The following UROS variants were observed in gnomAD, a reference collection of about 807,000 sequenced individuals.
UROS encodes uroporphyrinogen III synthase, also known as uroporphyrinogen-III synthase.
UROS carries 18 observed loss-of-function variants against 33.0 expected under a neutral mutation model. That is an observed-to-expected ratio of 0.55 (90% confidence interval 0.38 to 0.81). UROS has a LOEUF of 0.81. Ranked by LOEUF, UROS falls within the 30% of genes least tolerant of loss-of-function variation. UROS has a pLI of 0.00. For missense variants in UROS, 293 were observed against 314.9 expected (o/e 0.93, Z 0.53); for synonymous variants, 114 against 121.1 (o/e 0.94, Z 0.38).
At chr10:125,786,763 G>A (rs1257383273), downstream of UROS, among the ~76,000 whole-genome samples, 3 of 152,328 alleles carry the variant, frequency 2.0e-5, no homozygotes, top group South Asian at 4.1e-4. Flanking sequence ...GTGGGAGGGT[G>A]AGCAGAAGAA....
At chr10:125,812,330 T>A in intron 4 of UROS, 42 bp from the exon 5 acceptor site, 1 of 1,584,074 alleles carries the variant, frequency 6.3e-7, no homozygotes, top group East Asian at 2.2e-5. Flanking sequence ...AATACCAAAG[T>A]GGCCATTTGG....
At chr10:125,815,870 T>C (rs758687251) in intron 3 of UROS, among the ~76,000 whole-genome samples, 5 of 151,704 alleles carry the variant, frequency 3.3e-5, no homozygotes, top group Non-Finnish European at 1.5e-5. Flanking sequence ...GGGTGAGGGG[T>C]AGATTAAATG....
At chr10:125,800,927 T>C (rs1589954170) in intron 6 of UROS, among the ~76,000 whole-genome samples, 1 of 152,206 alleles carries the variant, frequency 6.6e-6, no homozygotes, top group Admixed American at 6.5e-5. Context: ...TGTGTCCACA[T>C]GCCTAATTTT....
At chr10:125,803,286 G>C (rs1490324563) in intron 6 of UROS, among the ~76,000 whole-genome samples, 1 of 152,156 alleles carries the variant, frequency 6.6e-6, no homozygotes, top group Non-Finnish European at 1.5e-5. Flanking sequence ...TGCACAAAAT[G>C]CCAATGTATG....
At chr10:125,786,364 A>C (rs1850634288), downstream of UROS, among the ~76,000 whole-genome samples, 1 of 150,650 alleles carries the variant, frequency 6.6e-6, no homozygotes, top group African/African-American at 2.4e-5. Flanking sequence ...TGCAACCTCC[A>C]ACTCCTGGCT....
chr10:125,821,461 G>A (rs1853883294), intron 1 of UROS, among the ~76,000 whole-genome samples: 1 of 152,224 alleles, frequency 6.6e-6, no homozygotes. Context: ...AAGTAGAAAG[G>A]TCATGGAGGG....
intron 9 of UROS, chr10:125,794,452 G>T: frequency 1.3e-6 from 1 of 752,632 alleles, no homozygotes; most frequent in Non-Finnish European, 1.7e-6. Flanking sequence ...CCTAGTAAGT[G>T]AGAATGTAAA....
In UROS at chr10:125,815,124, G is replaced by A; in HGVS notation, c.154C>T (p.His52Tyr). 6.2e-7 allele frequency: 1 copy of A among 1,614,156 alleles called. No homozygotes were observed. The change falls in exon 4 of 10, where the codon CAT (histidine) becomes TAT (tyrosine). Residue 52 changes from histidine to tyrosine, a missense_variant. By Grantham distance (83) the His-to-Tyr change is moderately conservative (BLOSUM62 2). Coordinates refer to ENST00000368797, the MANE Select transcript of UROS (RefSeq NM_000375.3). Reference protein sequence around the residue: ...SLPSFSEKLSHPEDYGGLIFT... With the variant: ...SLPSFSEKLSYPEDYGGLIFT... The stretch of plus-strand genomic sequence containing the variant: ...ATGAGTCCCCCGTAATCTTCAGGAT[G>A]AGAAAGCTGCACACCAAAAAGCAAT...
chr10:125,803,931 TG>T (rs1852079704), intron 6 of UROS, among the ~76,000 whole-genome samples: 1 of 152,280 alleles, frequency 6.6e-6, no homozygotes, highest in African/African-American at 2.4e-5. Context: ...CAGACTTTCC[TG>T]AAGACCTCTG....
At chr10:125,815,482 A>C (rs965960297) in intron 3 of UROS, among the ~76,000 whole-genome samples, 1 of 152,186 alleles carries the variant, frequency 6.6e-6, no homozygotes. Flanking sequence ...ACTTGACCCG[A>C]ATCTGTAATA....
chr10:125,803,321 C>T (rs1851994782), intron 6 of UROS, among the ~76,000 whole-genome samples: 1 of 152,196 alleles, frequency 6.6e-6, no homozygotes, highest in African/African-American at 2.4e-5. Context: ...GGCCCTCAAA[C>T]TCCCTGATAG....
chr10:125,802,900 C>G, intron 6 of UROS: 1 of 1,593,312 alleles, frequency 6.3e-7, no homozygotes, highest in Non-Finnish European at 8.5e-7. Flanking sequence ...CCCTCAGGGG[C>G]TTTCCCCACC....
At chr10:125,786,095 G>T (rs576532650), downstream of UROS, among the ~76,000 whole-genome samples, 1 of 152,226 alleles carries the variant, frequency 6.6e-6, no homozygotes, top group East Asian at 1.9e-4. Flanking sequence ...TGTCGAGTGA[G>T]ACTCTGGCTT....
chr10:125,813,590 G>A (rs1348295735), intron 4 of UROS, among the ~76,000 whole-genome samples: 1 of 152,188 alleles, frequency 6.6e-6, no homozygotes, highest in Non-Finnish European at 1.5e-5. Context: ...TGGTTCTCGT[G>A]CCTCAGCCTC....
chr10:125,811,161 C>T (rs1201857391), intron 5 of UROS, among the ~76,000 whole-genome samples: 3 of 152,194 alleles, frequency 2.0e-5, no homozygotes, highest in African/African-American at 4.8e-5. Flanking sequence ...CATAGTGATG[C>T]TACCGAAATC....
At chr10:125,807,966 G>C (rs1852478325) in intron 5 of UROS, among the ~76,000 whole-genome samples, 1 of 152,154 alleles carries the variant, frequency 6.6e-6, no homozygotes, top group Non-Finnish European at 1.5e-5. Context: ...AGGTGTTATG[G>C]CTTGACATGG....
chr10:125,812,816 T>C (rs1852928861), intron 4 of UROS, among the ~76,000 whole-genome samples: 1 of 152,236 alleles, frequency 6.6e-6, no homozygotes, highest in Non-Finnish European at 1.5e-5. Flanking sequence ...CACAATTTGA[T>C]ACAGAATATT....
intron 6 of UROS, among the ~76,000 whole-genome samples, chr10:125,806,511 T>C (rs1852349143): frequency 6.6e-6 from 1 of 152,124 alleles, no homozygotes; most frequent in Non-Finnish European, 1.5e-5. Context: ...GCCAAGCCCA[T>C]TGTTTGTTTA....
intron 5 of UROS, among the ~76,000 whole-genome samples, chr10:125,809,578 T>C (rs1852620991): frequency 6.6e-6 from 1 of 152,196 alleles, no homozygotes; most frequent in African/African-American, 2.4e-5. Context: ...CATCGTTTCA[T>C]TCAACATGTT....
Sources: allele counts gnomAD v4.1 joint callset (sites outside exome capture counted in the v4.1 genomes callset), GRCh38; gene constraint gnomAD v4.1.1; transcripts MANE v1.5; gene names NCBI Gene and HGNC (gene_info 2026-07-23, HGNC 2026-07-21).